PRKG1: variants seen among roughly 807,000 people sequenced by gnomAD.
PRKG1 encodes the protein cGMP-dependent protein kinase 1.
PRKG1 carries 35 observed loss-of-function variants against 88.1 expected under a neutral mutation model. That is an observed-to-expected ratio of 0.40 (90% CI 0.30 to 0.53). The LOEUF (loss-of-function observed/expected upper bound fraction) is 0.53. PRKG1 is among the 20% of genes least tolerant of loss of function. The pLI, the probability that PRKG1 is intolerant of heterozygous loss-of-function variation, is 0.59. For synonymous variants in PRKG1, 303 were observed against 292.5 expected, an observed-to-expected ratio of 1.04 and a Z score of -0.37; for missense variants, 540 against 839.8, an observed-to-expected ratio of 0.64 and a Z score of 4.41.
chr10:51,248,909 G>A (rs1319405171), intron 2 of PRKG1, among the ~76,000 whole-genome samples: 2 of 151,618 alleles, frequency 1.3e-5, no homozygotes, highest in African/African-American at 4.8e-5. Context: ...ATATTCTAAA[G>A]ATGTTGTAAA....
At chr10:51,923,239 T>C (rs1041782041) in intron 5 of PRKG1, among the ~76,000 whole-genome samples, 5 of 152,058 alleles carry the variant, frequency 3.3e-5, no homozygotes, top group African/African-American at 9.6e-5. Flanking sequence ...TTAGCATTAG[T>C]GTGATATATC....
At chr10:51,206,490 TAAAA>T (rs772696558) in intron 2 of PRKG1, among the ~76,000 whole-genome samples, 2 of 126,172 alleles carry the variant, frequency 1.6e-5, no homozygotes. Flanking sequence ...AAACTCCATC[TAAAA>T]AAAAAAAAAA....
chr10:52,264,671 C>T (rs1049090346), intron 10 of PRKG1, among the ~76,000 whole-genome samples: 38 of 152,080 alleles, frequency 2.5e-4, no homozygotes, highest in Middle Eastern at 3.4e-3. Context: ...TTTGCCATTC[C>T]TATTTTGCAG....
intron 2 of PRKG1, among the ~76,000 whole-genome samples, chr10:51,199,712 A>G (rs968889919): frequency 1.3e-5 from 2 of 152,036 alleles, no homozygotes; most frequent in African/African-American, 4.8e-5. Flanking sequence ...TTGTTTCTTC[A>G]CTGAATTTCA....
intron 2 of PRKG1, among the ~76,000 whole-genome samples, chr10:51,277,411 G>C (rs536857121): frequency 6.6e-6 from 1 of 152,140 alleles, no homozygotes. Context: ...CTCCGGCTTT[G>C]TTCTTTTGGC....
intron 4 of PRKG1, among the ~76,000 whole-genome samples, chr10:51,862,375 A>G (rs1432987761): frequency 6.6e-6 from 1 of 152,078 alleles, no homozygotes; most frequent in South Asian, 2.1e-4. Flanking sequence ...CACACCCACC[A>G]TTTGGTGGGT....
At chr10:51,176,719 G>C (rs952536014) in intron 2 of PRKG1, among the ~76,000 whole-genome samples, 15 of 152,106 alleles carry the variant, frequency 9.9e-5, no homozygotes, top group Non-Finnish European at 1.2e-4. Flanking sequence ...TTGGCCAGGT[G>C]ACAGACTAAG....
intron 1 of PRKG1, among the ~76,000 whole-genome samples, chr10:51,118,518 C>G (rs967938245): frequency 6.6e-6 from 1 of 152,076 alleles, no homozygotes; most frequent in African/African-American, 2.4e-5. Context: ...TTACAGAAAG[C>G]TTTCGTATAG....
intron 5 of PRKG1, 59 bp downstream of exon 5, chr10:51,907,629 C>A: frequency 7.0e-7 from 1 of 1,429,744 alleles, no homozygotes; most frequent in African/African-American, 1.4e-5. Context: ...TGGCTGGCTT[C>A]TTTCACAGCT....
intron 3 of PRKG1, among the ~76,000 whole-genome samples, chr10:51,799,420 C>T (rs1839106728): frequency 6.6e-6 from 1 of 151,990 alleles, no homozygotes; most frequent in Non-Finnish European, 1.5e-5. Context: ...GACACATTTT[C>T]TTCTTTGTAT....
chr10:51,347,811 C>G (rs1842147551), intron 2 of PRKG1, among the ~76,000 whole-genome samples: 1 of 152,068 alleles, frequency 6.6e-6, no homozygotes, highest in South Asian at 2.1e-4. Flanking sequence ...CCTGTAATCC[C>G]AGCACTTTGG....
intron 2 of PRKG1, among the ~76,000 whole-genome samples, chr10:51,408,584 T>C (rs1837989420): frequency 1.3e-5 from 2 of 152,192 alleles, no homozygotes; most frequent in African/African-American, 4.8e-5. Context: ...GGTGGCTGGC[T>C]GATCACCCCA....
chr10:51,642,587 A>G lies in PRKG1; in HGVS notation c.593-161998A>G, dbSNP rs184586839. Among the ~76,000 whole-genome samples the G allele has an allele frequency of 2.3e-4, 35 of 152,236 alleles. No homozygotes were observed. The East Asian group carries it at 6.6e-3, about 29-fold the overall frequency. ...TGACTGGTAGAACACAGACTAGTTGATTTTTATATACAGTCTTGTCTCAGA... is the reference window on the plus strand; with the variant it reads ...TGACTGGTAGAACACAGACTAGTTGGTTTTTATATACAGTCTTGTCTCAGA... On this transcript the variant is annotated intron_variant, in intron 3 of 17. Coordinates refer to ENST00000373980, the MANE Select transcript of PRKG1 (RefSeq NM_006258.4).
chr10:51,697,868 C>G (rs765071867), intron 3 of PRKG1: 2 of 1,613,714 alleles, frequency 1.2e-6, no homozygotes, highest in African/African-American at 2.7e-5. Flanking sequence ...AGGACTAAAA[C>G]TGCTAGGCTG....
intron 3 of PRKG1, among the ~76,000 whole-genome samples, chr10:51,559,355 T>C (rs536948227): frequency 6.6e-6 from 1 of 152,202 alleles, no homozygotes; most frequent in South Asian, 2.1e-4. Context: ...ACTAATGCAC[T>C]TGAGGAAGTA....
intron 3 of PRKG1, among the ~76,000 whole-genome samples, chr10:51,680,660 A>G (rs1010254786): frequency 2.6e-5 from 4 of 152,188 alleles, no homozygotes; most frequent in African/African-American, 9.7e-5. Context: ...ATTCTCTTTA[A>G]TTGTGTTCCT....
chr10:51,460,492 C>T (rs1413779880), intron 2 of PRKG1, among the ~76,000 whole-genome samples: 2 of 152,102 alleles, frequency 1.3e-5, no homozygotes, highest in African/African-American at 4.8e-5. Context: ...ATGTTCAGCT[C>T]TCGTTTATTT....
intron 8 of PRKG1, among the ~76,000 whole-genome samples, chr10:52,158,281 CATT>C (rs1838181327): frequency 6.6e-6 from 1 of 151,624 alleles, no homozygotes; most frequent in African/African-American, 2.4e-5. Context: ...CACAACATCT[CATT>C]ATAATCATTT....
intron 2 of PRKG1, among the ~76,000 whole-genome samples, chr10:51,432,152 T>A (rs1190062539): frequency 3.9e-5 from 6 of 152,284 alleles, no homozygotes; most frequent in South Asian, 4.1e-4. Flanking sequence ...GCAAAGAACC[T>A]CAAATCTTTA....
Sources: gnomAD v4.1 joint callset for allele counts (sites outside exome capture counted in the v4.1 genomes callset) on GRCh38, gnomAD v4.1.1 for gene constraint, MANE v1.5 for transcripts, NCBI Gene and HGNC (gene_info 2026-07-23, HGNC 2026-07-21) for gene names.